COL4A6: variants seen among roughly 807,000 people sequenced by gnomAD.
The protein encoded by COL4A6 is collagen alpha-6(IV) chain.
Under a neutral mutation model 126.7 loss-of-function variants are expected in COL4A6, and 59 were observed. The ratio of observed to expected loss-of-function variants is 0.47; its 90% CI spans 0.38 to 0.58. The LOEUF (loss-of-function observed/expected upper bound fraction) is 0.58. COL4A6 is among the 20% of genes least tolerant of loss of function. The pLI is 0.00. For missense variants in COL4A6, 1,285 were observed against 1,337.3 expected, an observed-to-expected ratio of 0.96 and a Z score of 0.61; for synonymous variants, 547 against 496.6, an observed-to-expected ratio of 1.10 and a Z score of -1.35.
chrX:108,165,891 T>C (rs1251792400), intron 37 of COL4A6, among the ~76,000 whole-genome samples: 1 of 112,783 alleles, frequency 8.9e-6, no homozygotes, highest in Admixed American at 9.4e-5. Flanking sequence ...TGTCTGATGC[T>C]GCACAAAGGT....
chrX:108,213,050 C>T (rs896901081), intron 6 of COL4A6, among the ~76,000 whole-genome samples: 10 of 111,465 alleles, frequency 9.0e-5, no homozygotes, highest in Admixed American at 3.8e-4. Flanking sequence ...CCCCACCCCC[C>T]GGCATATTGA....
chrX:108,418,892 T>C (rs1445977841), intron 2 of COL4A6, among the ~76,000 whole-genome samples: 1 of 112,421 alleles, frequency 8.9e-6, no homozygotes, highest in Non-Finnish European at 1.9e-5. Context: ...GCAGATACCC[T>C]GGACCACCCG....
chrX:108,332,802 C>CAATT (rs1388162920), intron 2 of COL4A6, among the ~76,000 whole-genome samples: 1 of 110,695 alleles, frequency 9.0e-6, no homozygotes, highest in Non-Finnish European at 1.9e-5. Flanking sequence ...TTTACTCTGT[C>CAATT]AATTATTTCT....
chrX:108,424,577 A>G (rs751492036), intron 2 of COL4A6, among the ~76,000 whole-genome samples: 8 of 110,637 alleles, frequency 7.2e-5, no homozygotes, highest in Non-Finnish European at 1.5e-4. Flanking sequence ...CCCTTCTTAC[A>G]CCTTCTGTAG....
chrX:108,430,134 A>G (rs1438890801), intron 2 of COL4A6, among the ~76,000 whole-genome samples: 1 of 112,151 alleles, frequency 8.9e-6, no homozygotes, highest in Non-Finnish European at 1.9e-5. Flanking sequence ...GAGGTCTGGA[A>G]CTGTTTCATA....
At chrX:108,394,357 T>G (rs775503623) in intron 2 of COL4A6, among the ~76,000 whole-genome samples, 1 of 110,157 alleles carries the variant, frequency 9.1e-6, no homozygotes, top group African/African-American at 3.3e-5. Context: ...CAAACCACCA[T>G]GGCACATGTA....
chrX:108,220,836 GGGCATGGTGGCCCATGCCT>G (rs1306045042), intron 4 of COL4A6, among the ~76,000 whole-genome samples: 3 of 112,884 alleles, frequency 2.7e-5, no homozygotes, highest in Non-Finnish European at 5.6e-5. Flanking sequence ...AGCCTGGGTG[GGGCATGGTGGCCCATGCCT>G]GTAATCCCAG....
At chrX:108,355,571 A>T (rs1046935741) in intron 2 of COL4A6, among the ~76,000 whole-genome samples, 6 of 112,048 alleles carry the variant, frequency 5.4e-5, no homozygotes, top group African/African-American at 1.9e-4. Flanking sequence ...AAAAAACTAG[A>T]TAATTACAGA....
intron 2 of COL4A6, among the ~76,000 whole-genome samples, chrX:108,381,511 A>G (rs2040558360): frequency 8.9e-6 from 1 of 112,390 alleles, no homozygotes; most frequent in African/African-American, 3.2e-5. Context: ...CAATACTTTC[A>G]GACTAGATTT....
At chrX:108,262,240 G>GT (rs2037182761) in intron 3 of COL4A6, among the ~76,000 whole-genome samples, 1 of 111,100 alleles carries the variant, frequency 9.0e-6, no homozygotes, top group Admixed American at 9.6e-5. Flanking sequence ...AGGTGCTAAT[G>GT]TAAGACATTG....
At chrX:108,255,234 G>C (rs1482763971) in intron 3 of COL4A6, among the ~76,000 whole-genome samples, 1 of 98,839 alleles carries the variant, frequency 1.0e-5, no homozygotes, top group Non-Finnish European at 2.1e-5. Flanking sequence ...TCAAATGGAA[G>C]TGGGGGGGCT....
At chrX:108,238,699 G>A (rs1240370845) in intron 3 of COL4A6, among the ~76,000 whole-genome samples, 1 of 109,301 alleles carries the variant, frequency 9.1e-6, no homozygotes. Flanking sequence ...ACCATGGAGA[G>A]GTTCTGCAGG....
chrX:108,264,500 G>C (rs1291000651), intron 3 of COL4A6, among the ~76,000 whole-genome samples: 1 of 111,785 alleles, frequency 8.9e-6, no homozygotes, highest in Non-Finnish European at 1.9e-5. Flanking sequence ...GCCATGGTAT[G>C]CAGGAGAGCG....
intron 4 of COL4A6, 152 bp from the exon 5 acceptor site, chrX:108,219,894 C>T (rs1431011245): frequency 4.3e-5 from 21 of 482,785 alleles, no homozygotes; most frequent in East Asian, 1.1e-4. Context: ...TACTGCAGTT[C>T]GAAGTGACCA....
At chrX:108,247,795 C>A (rs1003699069) in intron 3 of COL4A6, among the ~76,000 whole-genome samples, 1 of 111,576 alleles carries the variant, frequency 9.0e-6, no homozygotes, top group Non-Finnish European at 1.9e-5. Flanking sequence ...TTGCACACTA[C>A]CAGATTCAAC....
intron 3 of COL4A6, among the ~76,000 whole-genome samples, chrX:108,293,792 C>T (rs2038240639): frequency 8.9e-6 from 1 of 111,924 alleles, no homozygotes; most frequent in Admixed American, 9.5e-5. Context: ...GGAAAGCAGT[C>T]AGCGATTTAA....
intron 14 of COL4A6, among the ~76,000 whole-genome samples, chrX:108,195,374 C>T (rs1602773535): frequency 1.8e-5 from 2 of 110,375 alleles, no homozygotes; most frequent in Non-Finnish European, 1.9e-5. Flanking sequence ...AGGGTTCAAG[C>T]GATTCTCCTG....
chrX:108,172,671 A>C, intron 31 of COL4A6, 139 bp from the exon 32 acceptor site: 2 of 436,986 alleles, frequency 4.6e-6, no homozygotes, highest in Non-Finnish European at 7.6e-6. Flanking sequence ...GTGGGCTGGA[A>C]GTGGGGATGT....
rs2033745681 is a variant in COL4A6, at chrX:108,156,592, C to G, written c.*408G>C. On this transcript the variant is annotated 3_prime_UTR_variant, in exon 45 of 45. Transcript: ENST00000334504. ...AATTTAAGTGTGGAAACACTGGGTT[C>G]TGGTTTAAGCCAAATAATGTGTGCT... is the stretch of plus-strand genomic sequence containing the variant. 1.3e-5 allele frequency: 2 copies of G among 156,661 alleles called. No homozygotes were observed. The highest frequency in any genetic ancestry group is 4.5e-4 in the South Asian group (2 of 4,489). The allele number at this position is 156,661 out of a possible 1,213,427, so 12.9% of individuals were successfully genotyped here. A position where few individuals can be genotyped will look rare whatever the true frequency, so the allele number is the denominator to read the frequency against.
Sources: allele counts gnomAD v4.1 joint callset (sites outside exome capture counted in the v4.1 genomes callset), GRCh38; gene constraint gnomAD v4.1.1; transcripts MANE v1.5; gene names NCBI Gene and HGNC (gene_info 2026-07-23, HGNC 2026-07-21).